Variants in BCL7B observed in about 807,000 individuals in gnomAD.
The protein encoded by BCL7B is B-cell CLL/lymphoma 7 protein family member B.
Under a neutral mutation model 26.5 loss-of-function variants are expected in BCL7B, and 11 were observed. The ratio of observed to expected loss-of-function variants is 0.42; its 90% CI spans 0.26 to 0.69. BCL7B has a LOEUF of 0.69. Among genes scored for constraint, BCL7B ranks in the 30% least tolerant of loss-of-function variants. The pLI is 0.28. For synonymous variants in BCL7B, 111 were observed against 107.9 expected, an observed-to-expected ratio of 1.03 and a Z score of -0.18; for missense variants, 215 against 264.4, an observed-to-expected ratio of 0.81 and a Z score of 1.30.
chr7:73,551,382 C>T (rs1792163239), intron 2 of BCL7B, among the ~76,000 whole-genome samples: 1 of 152,190 alleles, frequency 6.6e-6, no homozygotes, highest in Non-Finnish European at 1.5e-5. Flanking sequence ...TCACTGCAAC[C>T]TCTGCCTTAC....
chr7:73,538,221 C>T (rs1364625866), intron 4 of BCL7B: 19 of 391,892 alleles, frequency 4.8e-5, no homozygotes, highest in Admixed American at 4.0e-4. Context: ...AGGGCCATCT[C>T]TGCTGGGCTG....
rs1342632318 is a variant in BCL7B at position 73,543,550 on chromosome 7, T to C, written c.263A>G (p.Gln88Arg). 1.9e-6 allele frequency: 3 copies of C among 1,612,606 alleles called. No individual in the cohort carries two copies. Among genetic ancestry groups the C allele is most frequent in the Non-Finnish European group, 2.5e-6 (3 of 1,178,994 alleles). ...SANSSLLLEF[Q>R]DENSNQSSVS... ...GAAGACACAGAGATGCAACTCACCC[T>C]GGAATTCAAGAAGGAGAGAGGAATT... is the stretch of plus-strand genomic sequence containing the variant. Residue 88 changes from glutamine (Q) to arginine (R), a missense_variant and splice_region_variant, in exon 3 of 6, where the codon CAG becomes CGG. Physicochemically the swap from Gln to Arg is conservative, Grantham distance 43. Transcript: ENST00000223368.
intron 3 of BCL7B, among the ~76,000 whole-genome samples, chr7:73,541,340 C>G (rs1331558337): frequency 6.6e-6 from 1 of 152,118 alleles, no homozygotes; most frequent in African/African-American, 2.4e-5. Flanking sequence ...GCAACAGCCA[C>G]ATACCTCACT....
intron 2 of BCL7B, among the ~76,000 whole-genome samples, chr7:73,545,902 T>A (rs1353143039): frequency 6.6e-6 from 1 of 151,724 alleles, no homozygotes; most frequent in Non-Finnish European, 1.5e-5. Context: ...GAGGCCGAGG[T>A]GGGCCGATCA....
At chr7:73,557,279 G>A (rs1792404335) in intron 1 of BCL7B, 3 of 1,137,990 alleles carry the variant, frequency 2.6e-6, no homozygotes, top group Non-Finnish European at 3.2e-6. Context: ...GCAGGTGGGC[G>A]GGCCCGCGAG....
intron 2 of BCL7B, among the ~76,000 whole-genome samples, chr7:73,547,237 A>G (rs1441161887): frequency 6.6e-6 from 1 of 151,920 alleles, no homozygotes; most frequent in Non-Finnish European, 1.5e-5. Flanking sequence ...CCAAGACAGA[A>G]GGATCGCTTG....
intron 1 of BCL7B, among the ~76,000 whole-genome samples, chr7:73,553,085 C>T (rs1353937742): frequency 1.3e-5 from 2 of 151,662 alleles, no homozygotes; most frequent in African/African-American, 4.8e-5. Context: ...CCACGCCCAG[C>T]CAAATTTTTA....
chr7:73,555,815 T>C (rs577413570), intron 1 of BCL7B, among the ~76,000 whole-genome samples: 14 of 152,182 alleles, frequency 9.2e-5, no homozygotes, highest in African/African-American at 3.4e-4. Context: ...GGCATGATCA[T>C]AGTTCACTGC....
chr7:73,544,146 C>A (rs1554583250), intron 2 of BCL7B, among the ~76,000 whole-genome samples: 1 of 152,110 alleles, frequency 6.6e-6, no homozygotes, highest in Admixed American at 6.6e-5. Flanking sequence ...CCCAGCCGGG[C>A]GCACTGGTTC....
chr7:73,543,956 C>T (rs1554583235), intron 2 of BCL7B: 1 of 211,096 alleles, frequency 4.7e-6, no homozygotes, highest in Non-Finnish European at 9.6e-6. Context: ...GGCAACCCTT[C>T]TCTATACGAA....
chr7:73,539,814 A>T, intron 4 of BCL7B, 68 bp downstream of exon 4: 1 of 1,567,954 alleles, frequency 6.4e-7, no homozygotes, highest in Admixed American at 1.7e-5. Context: ...TACTCTAAAG[A>T]CGAGACACAA....
intron 1 of BCL7B, 154 bp downstream of exon 1, chr7:73,557,333 C>G (rs1554584846): frequency 1.7e-6 from 2 of 1,177,092 alleles, no homozygotes; most frequent in African/African-American, 3.2e-5. Flanking sequence ...GCCCTCTGAC[C>G]TCACGCCGAC....
At chr7:73,549,428 C>T (rs1792074117) in intron 2 of BCL7B, among the ~76,000 whole-genome samples, 1 of 152,166 alleles carries the variant, frequency 6.6e-6, no homozygotes, top group Admixed American at 6.6e-5. Context: ...CCTGTAATCC[C>T]AGCTATTTGG....
At chr7:73,543,671 G>A (rs781946856) in intron 2 of BCL7B, 27 bp from the exon 3 acceptor site, 301 of 1,584,030 alleles carry the variant, frequency 1.9e-4, no homozygotes, top group Non-Finnish European at 2.6e-4. Context: ...AGAGGAATAT[G>A]ACAGAGCCAA....
intron 1 of BCL7B, chr7:73,557,219 C>T (rs1191448963): frequency 3.8e-6 from 4 of 1,062,430 alleles, no homozygotes; most frequent in South Asian, 4.5e-5. Context: ...AGCTCCAGTC[C>T]GGGCCGGAAG....
At chr7:73,540,725 G>A (rs782660183) in intron 3 of BCL7B, among the ~76,000 whole-genome samples, 1 of 148,962 alleles carries the variant, frequency 6.7e-6, no homozygotes, top group Non-Finnish European at 1.5e-5. Context: ...AGCTACTCAG[G>A]AGGCTGAGGC....
chr7:73,544,210 C>A (rs1791875062), intron 2 of BCL7B, among the ~76,000 whole-genome samples: 1 of 152,030 alleles, frequency 6.6e-6, no homozygotes, highest in Admixed American at 6.6e-5. Flanking sequence ...CACCTGAGGT[C>A]AGGAGTTCAA....
chr7:73,538,796 G>A (rs181017428), intron 4 of BCL7B, among the ~76,000 whole-genome samples: 1 of 120,780 alleles, frequency 8.3e-6, no homozygotes, highest in Non-Finnish European at 1.6e-5. Flanking sequence ...CTGGGCAACA[G>A]AGCAAGACCC....
chr7:73,542,278 G>C (rs558845545), intron 3 of BCL7B, among the ~76,000 whole-genome samples: 1 of 152,324 alleles, frequency 6.6e-6, no homozygotes, highest in Non-Finnish European at 1.5e-5. Context: ...ATGTCTCCCA[G>C]AGCCTTCTGA....
Sources: allele counts gnomAD v4.1 joint callset (sites outside exome capture counted in the v4.1 genomes callset), GRCh38; gene constraint gnomAD v4.1.1; transcripts MANE v1.5; gene names NCBI Gene and HGNC (gene_info 2026-07-23, HGNC 2026-07-21).